TEX9: variants seen among roughly 807,000 people sequenced by gnomAD.
The protein encoded by TEX9 is testis-expressed protein 9.
A neutral mutation model predicts 59.6 loss-of-function variants in TEX9; 74 were observed. The ratio of observed to expected loss-of-function variants is 1.24; its 90% CI spans 1.03 to 1.51. The LOEUF (loss-of-function observed/expected upper bound fraction) is 1.51, where lower values mean the gene tolerates loss of function less well. Ranked by LOEUF, TEX9 falls within the 40% of genes most tolerant of loss-of-function variation. The pLI is 0.00. For missense variants in TEX9, 522 were observed against 447.8 expected (o/e 1.17, Z -1.49); for synonymous variants, 186 against 152.2 (o/e 1.22, Z -1.64).
intron 1 of TEX9, among the ~76,000 whole-genome samples, chr15:56,290,069 C>T (rs571821969): frequency 2.6e-5 from 4 of 151,936 alleles, no homozygotes; most frequent in African/African-American, 4.8e-5. Context: ...TGGGCAGACT[C>T]GATACAGCCA....
At chr15:56,255,479 A>G (rs1262374369) in intron 1 of TEX9, among the ~76,000 whole-genome samples, 1 of 152,128 alleles carries the variant, frequency 6.6e-6, no homozygotes, top group African/African-American at 2.4e-5. Flanking sequence ...TTCTTTAATA[A>G]AAAAATCTCA....
Position 56,294,818 on chromosome 15 carries a change from A to C in TEX9, c.-107+50540A>C, listed in dbSNP as rs988739001. ...TTCAAACACAAATTCTGTTTCACTT[A>C]GGGTTAGCTTAGGAACTGGGGTAGT... On this transcript the variant is annotated intron_variant, in intron 1 of 5. Coordinates refer to the TEX9 transcript ENST00000560827. Among the ~76,000 whole-genome samples the C allele has an allele frequency of 3.9e-5, 6 of 152,198 alleles. No homozygotes were observed. The East Asian group carries it at 1.2e-3, about 29-fold the overall frequency.
intron 2 of TEX9, among the ~76,000 whole-genome samples, chr15:56,372,587 T>C (rs2047241619): frequency 6.6e-6 from 1 of 152,194 alleles, no homozygotes; most frequent in Non-Finnish European, 1.5e-5. Flanking sequence ...AATTGCAATT[T>C]AATCGTATAG....
chr15:56,368,384 T>G (rs1488339961), intron 2 of TEX9, among the ~76,000 whole-genome samples: 4 of 152,158 alleles, frequency 2.6e-5, no homozygotes, highest in Admixed American at 1.3e-4. Context: ...GTTGTAGTTT[T>G]TCTCTACTTC....
intron 7 of TEX9, among the ~76,000 whole-genome samples, chr15:56,392,051 T>C (rs554026404): frequency 6.6e-6 from 1 of 152,050 alleles, no homozygotes; most frequent in East Asian, 1.9e-4. Flanking sequence ...ATTGAGTATA[T>C]ATGAACTAGT....
intron 10 of TEX9, among the ~76,000 whole-genome samples, chr15:56,413,291 A>ATTAAATTATTTAATTTAATAAT (rs56187869): frequency 8.2e-4 from 120 of 146,224 alleles, no homozygotes; most frequent in Middle Eastern, 3.6e-3. Context: ...TAATTTAATA[A>ATTAAATTATTTAATTTAATAAT]TAAATTATTT....
At chr15:56,446,551 A>G (rs1484537512), downstream of TEX9, among the ~76,000 whole-genome samples, 1 of 152,034 alleles carries the variant, frequency 6.6e-6, no homozygotes, top group Non-Finnish European at 1.5e-5. Flanking sequence ...CATGGTAACA[A>G]TTTGTACTGT....
chr15:56,383,935 A>G lies in TEX9; in HGVS notation c.184-17A>G, dbSNP rs757023902. On this transcript the variant is annotated splice_polypyrimidine_tract_variant and intron_variant, in intron 3 of 12. Coordinates refer to ENST00000352903, the Ensembl canonical transcript of TEX9. ...TTTTTTTCTATATGATATATTACCT[A>G]TCTTTACTCATTTAAGAGAGATCGG... 3.8e-6 allele frequency: 6 copies of G among 1,593,266 alleles called. No homozygotes were observed. The African/African-American group carries it at 4.1e-5, about 11-fold the overall frequency.
rs1232800444 is a variant in TEX9, at chr15:56,312,090, A to G, written c.-106-61351A>G. 4.7e-5 allele frequency among the ~76,000 whole-genome samples: 7 copies of G among 149,882 alleles called. No homozygotes were observed. In the Admixed American group the frequency reaches 4.7e-4, roughly 10 times the overall value. On this transcript the variant is annotated intron_variant, in intron 1 of 5. Coordinates refer to the TEX9 transcript ENST00000560827. ...TTGCGAAAATTTTCTCCCATTTTGT[A>G]GGTTGCCTCTTCACTCTGATGGTAG...
In TEX9 at chr15:56,379,188, T is replaced by A. The variant is rs142410656; in HGVS notation, c.184-4764T>A. 2.7e-3 allele frequency among the ~76,000 whole-genome samples: 415 copies of A among 152,316 alleles called. 4 individuals are homozygous for A. Among genetic ancestry groups the A allele is most frequent in the African/African-American group, 9.5e-3 (395 of 41,574 alleles). ...CTTTTTTGTTGTAGGCACTTACAGCTGCATAAATTTCCCTCTCAGTACTGC... is the reference window on the plus strand; with the variant it reads ...CTTTTTTGTTGTAGGCACTTACAGCAGCATAAATTTCCCTCTCAGTACTGC... On this transcript the variant is annotated intron_variant, in intron 3 of 12. Coordinates refer to ENST00000352903, the Ensembl canonical transcript of TEX9.
At chr15:56,422,757 C>G (rs1367501776) in intron 10 of TEX9, among the ~76,000 whole-genome samples, 1 of 151,992 alleles carries the variant, frequency 6.6e-6, no homozygotes, top group African/African-American at 2.4e-5. Flanking sequence ...TCCATGAACT[C>G]TTTTCATCTT....
intron 1 of TEX9, among the ~76,000 whole-genome samples, chr15:56,304,713 A>G (rs748509006): frequency 2.6e-4 from 39 of 152,168 alleles, no homozygotes; most frequent in Non-Finnish European, 4.6e-4. Context: ...ATGGGCCTGT[A>G]ATTTTCTTTC....
intron 2 of TEX9, among the ~76,000 whole-genome samples, chr15:56,368,683 A>G (rs190159398): frequency 2.3e-4 from 35 of 152,294 alleles, no homozygotes; most frequent in Non-Finnish European, 3.8e-4. Context: ...TATGTTTTAA[A>G]ATACATTAGC....
intron 12 of TEX9, chr15:56,434,252 C>A: frequency 2.4e-5 from 38 of 1,613,884 alleles, no homozygotes; most frequent in Non-Finnish European, 3.2e-5. Flanking sequence ...TTCGATCATC[C>A]TCAGCAAATT....
intron 1 of TEX9, among the ~76,000 whole-genome samples, chr15:56,297,267 A>G (rs2045239210): frequency 6.6e-6 from 1 of 152,190 alleles, no homozygotes; most frequent in South Asian, 2.1e-4. Context: ...GTAAAAACTA[A>G]TATCTTAAAA....
chr15:56,273,603 T>C (rs2044600822), intron 1 of TEX9, among the ~76,000 whole-genome samples: 1 of 152,020 alleles, frequency 6.6e-6, no homozygotes, highest in South Asian at 2.1e-4. Flanking sequence ...TAAATTTCTG[T>C]CTAGCTCTGA....
chr15:56,324,526 A>G (rs1426074280), intron 1 of TEX9, among the ~76,000 whole-genome samples: 2 of 152,224 alleles, frequency 1.3e-5, no homozygotes, highest in Non-Finnish European at 1.5e-5. Context: ...AGCATACTGC[A>G]TTAGAAATTA....
intron 1 of TEX9, among the ~76,000 whole-genome samples, chr15:56,354,876 C>G (rs1183342042): frequency 1.3e-5 from 2 of 152,118 alleles, no homozygotes; most frequent in Non-Finnish European, 2.9e-5. Context: ...ATGGATGACT[C>G]TTAGTCAAAA....
At chr15:56,319,490 A>G (rs1485767869) in intron 1 of TEX9, among the ~76,000 whole-genome samples, 1 of 152,046 alleles carries the variant, frequency 6.6e-6, no homozygotes, top group Admixed American at 6.6e-5. Flanking sequence ...TTAATCACAC[A>G]TTATTCTTCT....
Sources: allele counts gnomAD v4.1 joint callset (sites outside exome capture counted in the v4.1 genomes callset), GRCh38; gene constraint gnomAD v4.1.1; transcripts MANE v1.5; gene names NCBI Gene and HGNC (gene_info 2026-07-23, HGNC 2026-07-21).